Variants in MTMR2 observed in about 807,000 individuals in gnomAD.
MTMR2 encodes the protein phosphatidylinositol-3,5-bisphosphate 3-phosphatase MTMR2.
In MTMR2, 55 loss-of-function variants were observed where a neutral mutation model predicts 86.9. That is an observed-to-expected ratio of 0.63 (90% CI 0.51 to 0.79). The LOEUF (loss-of-function observed/expected upper bound fraction) is 0.79, where lower values mean the gene tolerates loss of function less well. MTMR2 is among the 30% of genes least tolerant of loss of function. MTMR2 has a pLI of 0.00. For missense variants in MTMR2, 659 were observed against 772.3 expected (o/e 0.85, Z 1.74); for synonymous variants, 241 against 266.8 (o/e 0.90, Z 0.94).
Position 95,862,349 on chromosome 11 carries a change from T to G in MTMR2, c.280A>C (p.Ile94Leu). The change falls in exon 4 of 15, where the codon ATA (isoleucine) becomes CTA (leucine). Residue 94 changes from isoleucine (I) to leucine (L), a missense_variant. Physicochemically the swap from Ile to Leu is conservative, Grantham distance 5 (BLOSUM62 2). Around this residue, in one of 3 missense-constraint regions of MTMR2, gnomAD observed 387 missense variants for 526.3 expected, o/e 0.74. Coordinates refer to ENST00000346299, the MANE Select transcript of MTMR2 (RefSeq NM_016156.6). ...IKDMAKDVTY[I>L]CPFTGAVRGT... ...CGTACAGCGCCAGTGAATGGACATA[T>G]ATAAGTTACATCTTTGGCTGAAAAA... is the stretch of plus-strand genomic sequence containing the variant. The G allele has an allele frequency of 6.2e-7, 1 of 1,613,986 alleles. No individual in the cohort carries two copies. The highest frequency in any genetic ancestry group is 8.5e-7 in the Non-Finnish European group (1 of 1,179,882).
At chr11:95,841,546 G>T in intron 12 of MTMR2, 71 bp downstream of exon 12, 2 of 1,109,766 alleles carry the variant, frequency 1.8e-6, no homozygotes, top group South Asian at 1.2e-5. Context: ...GCTAATCAGT[G>T]ACCAAATCTC....
chr11:95,890,372 T>A (rs979280075), intron 1 of MTMR2, among the ~76,000 whole-genome samples: 4 of 152,188 alleles, frequency 2.6e-5, no homozygotes, highest in Non-Finnish European at 5.9e-5. Flanking sequence ...TTCAAATAGA[T>A]TCCCCTTTCT....
In MTMR2 at chr11:95,886,139, A is replaced by G. The variant is rs545089751; in HGVS notation, c.186+2017T>C. 4.6e-5 allele frequency among the ~76,000 whole-genome samples: 7 copies of G among 152,294 alleles called. No homozygotes were observed. In the South Asian group the frequency reaches 1.5e-3, roughly 32 times the overall value. ...TCCTGCATGGGTAGGATCCTGGAAC[A>G]AAAAGAACATTAGGTAAAAACTAAG... On this transcript the variant is annotated intron_variant, in intron 2 of 14. Transcript: ENST00000346299.
intron 10 of MTMR2, 42 bp downstream of exon 10, chr11:95,847,672 G>T: frequency 6.6e-7 from 1 of 1,506,718 alleles, no homozygotes; most frequent in Non-Finnish European, 9.2e-7. Flanking sequence ...AAACAAAGGG[G>T]TAGAGAGAGT....
intron 2 of MTMR2, among the ~76,000 whole-genome samples, chr11:95,871,848 T>G (rs1864901566): frequency 6.6e-6 from 1 of 152,234 alleles, no homozygotes; most frequent in Admixed American, 6.5e-5. Context: ...GGTTTTCTTC[T>G]AGGGTTTTTA....
At chr11:95,873,302 T>C (rs1485090481) in intron 2 of MTMR2, among the ~76,000 whole-genome samples, 1 of 152,256 alleles carries the variant, frequency 6.6e-6, no homozygotes, top group Non-Finnish European at 1.5e-5. Context: ...ATTGGTCTAT[T>C]CAGGGATTCA....
Position 95,923,897 on chromosome 11 carries a change from G to A in MTMR2, c.58C>T (p.Pro20Ser). ...TACCTGGACAAGGAGTCCACGCTGG[G>A]CGGCCGAGCCGCCGCCGGCTGGGAG... ...LGSQPAAARP[P>S]SVDSLSSAST... is the part of the protein sequence containing the mutation. The change falls in exon 1 of 15, where the codon CCC becomes TCC. Residue 20 changes from proline (P) to serine (S), a missense_variant. This residue lies in a region of MTMR2 where 79 missense variants were observed against 54.4 expected (regional missense o/e 1.45). Transcript: ENST00000346299. 1 of 1,557,520 alleles carries A rather than the reference G, an allele frequency of 6.4e-7. No homozygotes were observed. The highest frequency in any genetic ancestry group is 8.7e-7 in the Non-Finnish European group (1 of 1,150,624).
At position 95,833,812 on chromosome 11, in the gene MTMR2, C is replaced by A. The variant is rs979422248; in HGVS notation, c.*1478G>T. 1.3e-5 allele frequency: 2 copies of A among 152,134 alleles called. No homozygotes were observed. The highest frequency in any genetic ancestry group is 2.1e-4 in the South Asian group (1 of 4,824). The allele number at this position is 152,134 out of a possible 1,614,324, so 9.4% of individuals were successfully genotyped here. On this transcript the variant is annotated 3_prime_UTR_variant, in exon 15 of 15. Coordinates refer to ENST00000346299, the MANE Select transcript of MTMR2 (RefSeq NM_016156.6). ...CCTGTTAAAAAGCTTATATTTCACA[C>A]AATTACCAAAGAAATCATTTTGGTA...
At chr11:95,865,754 C>T in intron 2 of MTMR2, 78 bp from the exon 3 acceptor site, 2 of 1,189,876 alleles carry the variant, frequency 1.7e-6, no homozygotes, top group Non-Finnish European at 1.2e-6. Context: ...ACTGAGTATA[C>T]TTGCTCTTGA....
chr11:95,857,669 AAG>A, intron 6 of MTMR2, 34 bp from the exon 7 acceptor site: 2 of 1,360,956 alleles, frequency 1.5e-6, no homozygotes, highest in East Asian at 4.6e-5. Flanking sequence ...AGAGCTAAAA[AAG>A]ATATTCACAA....
Position 95,835,327 on chromosome 11 carries a change from G to A in MTMR2, c.1895C>T (p.Pro632Leu). 6.2e-7 allele frequency: 1 copy of A among 1,613,064 alleles called. No homozygotes were observed. The highest frequency in any genetic ancestry group is 8.5e-7 in the Non-Finnish European group (1 of 1,179,326). ...STSSSERASS[P>L]AQCVTPVQTV... The stretch of plus-strand genomic sequence containing the variant: ...TTGGACAGGAGTGACACACTGTGCA[G>A]GAGAGCTGGCTCTCTCTGAGGATGA... Residue 632 changes from proline to leucine, a missense_variant, in exon 15 of 15, where the codon CCT (proline) becomes CTT (leucine). Physicochemically the swap from Pro to Leu is moderately conservative, Grantham distance 98 (BLOSUM62 -3). Around this residue, in one of 3 missense-constraint regions of MTMR2, gnomAD observed 193 missense variants for 191.6 expected, o/e 1.01. Transcript: ENST00000346299.
At chr11:95,862,171 A>G in intron 4 of MTMR2, 69 bp from the exon 5 acceptor site, 2 of 1,539,426 alleles carry the variant, frequency 1.3e-6, no homozygotes, top group Non-Finnish European at 1.8e-6. Flanking sequence ...GCTGATCAAA[A>G]TCTTAATCAG....
In MTMR2 at chr11:95,838,198, C is replaced by T. The variant is rs752626893; in HGVS notation, c.1489G>A (p.Ala497Thr). The change falls in exon 13 of 15, where the codon GCA (alanine) becomes ACA (threonine). Residue 497 changes from alanine (A) to threonine (T), a missense_variant. Coordinates refer to ENST00000346299, the MANE Select transcript of MTMR2 (RefSeq NM_016156.6). ...VWQMTRQFPT[A>T]FEFNEYFLIT... ...AGAAAATACTCATTGAATTCAAATG[C>T]GGTAGGAAACTGCAAATCAAACATC... 3.8e-6 allele frequency: 6 copies of T among 1,574,524 alleles called. No homozygotes were observed. Among genetic ancestry groups the T allele is most frequent in the African/African-American group, 1.4e-5 (1 of 73,962 alleles).
intron 1 of MTMR2, among the ~76,000 whole-genome samples, chr11:95,921,127 C>T (rs7129093): frequency 0.028 from 4,271 of 152,258 alleles, 187 homozygotes; most frequent in African/African-American, 0.096. Context: ...AAGAGAAAGA[C>T]GCAGTTATAT....
At chr11:95,918,822 A>AT (rs1361537962) in intron 1 of MTMR2, among the ~76,000 whole-genome samples, 1 of 152,154 alleles carries the variant, frequency 6.6e-6, no homozygotes, top group African/African-American at 2.4e-5. Context: ...ACATAAAAGC[A>AT]TATTTCCTAC....
In MTMR2 at chr11:95,845,040, G is replaced by A. The variant is rs753138775; in HGVS notation, c.1299C>T (p.Leu433=). The change falls in exon 11 of 15, where the codon CTC becomes CTT. Residue 433 remains leucine (L), a synonymous_variant. Transcript: ENST00000346299. ...TGGTTCGATAGTATCCATCCAACAT[G>A]AGCATGGCAAGGGAAGTGAGCTGAG... ...RTAQLTSLAM[L]MLDGYYRTIR... 6 of 1,613,796 alleles carry A rather than the reference G, an allele frequency of 3.7e-6. No individual in the cohort carries two copies. In the Admixed American group the frequency reaches 6.7e-5, roughly 18 times the overall value.
In MTMR2 at chr11:95,835,321, T is replaced by G. The variant is rs751004861; in HGVS notation, c.1901A>C (p.Gln634Pro). Residue 634 changes from glutamine (Q) to proline (P), a missense_variant, in exon 15 of 15, where the codon CAG becomes CCG. Physicochemically the swap from Gln to Pro is moderately conservative, Grantham distance 76. Transcript: ENST00000346299. ...AACAGTTTGGACAGGAGTGACACAC[T>G]GTGCAGGAGAGCTGGCTCTCTCTGA... ...SSSERASSPAQCVTPVQTVV is the reference protein window; with the variant it reads ...SSSERASSPAPCVTPVQTVV The G allele has an allele frequency of 1.2e-6, 2 of 1,613,078 alleles. No homozygotes were observed. The highest frequency in any genetic ancestry group is 3.3e-5 in the Admixed American group (2 of 59,836).
chr11:95,860,625 G>A (rs1025394810), intron 5 of MTMR2, among the ~76,000 whole-genome samples: 3 of 152,156 alleles, frequency 2.0e-5, no homozygotes, highest in Non-Finnish European at 4.4e-5. Context: ...TTTTGGCACT[G>A]GCAGAATAAA....
At chr11:95,845,779 A>G (rs1025882793) in intron 10 of MTMR2, among the ~76,000 whole-genome samples, 3 of 151,908 alleles carry the variant, frequency 2.0e-5, no homozygotes, top group Non-Finnish European at 4.4e-5. Flanking sequence ...TTAAATATGC[A>G]GAAATCCTTT....
Sources: allele counts gnomAD v4.1 joint callset (sites outside exome capture counted in the v4.1 genomes callset), GRCh38; gene constraint gnomAD v4.1.1; regional missense constraint gnomAD v4.1.1; transcripts MANE v1.5; gene names NCBI Gene and HGNC (gene_info 2026-07-23, HGNC 2026-07-21).